F13B: variants seen among roughly 807,000 people sequenced by gnomAD.
The protein encoded by F13B is coagulation factor XIII B chain.
A neutral mutation model predicts 79.8 loss-of-function variants in F13B; 58 were observed. That is an observed-to-expected ratio of 0.73 (90% confidence interval 0.59 to 0.90). The LOEUF is 0.90. Among genes scored for constraint, F13B ranks in the 40% least tolerant of loss-of-function variants. The pLI is 0.00. For synonymous variants in F13B, 283 were observed against 260.3 expected, an observed-to-expected ratio of 1.09 and a Z score of -0.84; for missense variants, 773 against 777.0, an observed-to-expected ratio of 0.99 and a Z score of 0.06.
chr1:197,061,219 T>G (rs1366612065), intron 3 of F13B, 144 bp from the exon 4 acceptor site: 2 of 495,086 alleles, frequency 4.0e-6, no homozygotes, highest in African/African-American at 3.9e-5. Flanking sequence ...AATTTTTCTT[T>G]GCCTCTATTC....
At chr1:197,065,214 T>C (rs1209660295) in intron 1 of F13B, among the ~76,000 whole-genome samples, 1 of 152,182 alleles carries the variant, frequency 6.6e-6, no homozygotes, top group South Asian at 2.1e-4. Flanking sequence ...CAAAGTATTC[T>C]CTGCACAACA....
At chr1:197,056,918 AG>A in intron 7 of F13B, 94 bp downstream of exon 7, 3 of 1,313,628 alleles carry the variant, frequency 2.3e-6, no homozygotes, top group Non-Finnish European at 1.1e-6. Context: ...TTGCCTAAGC[AG>A]TGGTCTTTTC....
rs1306503655 is a variant in F13B at position 197,061,026 on chromosome 1, C to T, written c.501G>A (p.Gln167=). The T allele has an allele frequency of 1.9e-6, 3 of 1,603,284 alleles. No homozygotes were observed. The highest frequency in any genetic ancestry group is 2.6e-6 in the Non-Finnish European group (3 of 1,171,276). The change falls in exon 4 of 12, where the codon CAG becomes CAA. Residue 167 remains glutamine, a synonymous_variant. Coordinates refer to ENST00000367412, the MANE Select transcript of F13B (RefSeq NM_001994.3). ...CTTTGTCCTTCACTTTGAATGTTTT[C>T]TGTGTTGTGGAATAATTTCCATTAT... is the stretch of plus-strand genomic sequence containing the variant. The part of the protein sequence containing the change: ...ELYNGNYSTT[Q]KTFKVKDKVQ...
At chr1:197,047,385 G>T (rs1271489819) in intron 10 of F13B, among the ~76,000 whole-genome samples, 3 of 152,148 alleles carry the variant, frequency 2.0e-5, no homozygotes, top group Non-Finnish European at 4.4e-5. Flanking sequence ...CATTTATGCA[G>T]CCAACAGACA....
At chr1:197,053,381 TG>T (rs952856883) in intron 8 of F13B, among the ~76,000 whole-genome samples, 1 of 151,962 alleles carries the variant, frequency 6.6e-6, no homozygotes, top group Non-Finnish European at 1.5e-5. Flanking sequence ...AATCCTGGGG[TG>T]GGTCTTTCCC....
chr1:197,056,023 A>G (rs1655629139), intron 7 of F13B, 126 bp from the exon 8 acceptor site: 15 of 969,692 alleles, frequency 1.5e-5, no homozygotes, highest in South Asian at 8.9e-5. Context: ...TTCATTACAA[A>G]TATGAAAAAT....
intron 10 of F13B, among the ~76,000 whole-genome samples, chr1:197,049,155 T>A (rs1027786064): frequency 2.6e-5 from 4 of 151,850 alleles, no homozygotes; most frequent in Non-Finnish European, 4.4e-5. Context: ...ATTCATGTAT[T>A]AGAAAAAATA....
chr1:197,040,491 A>G (rs1247430553), intron 11 of F13B, 31 bp downstream of exon 11: 2 of 1,525,086 alleles, frequency 1.3e-6, no homozygotes, highest in African/African-American at 2.7e-5. Flanking sequence ...ACCAAAAAAA[A>G]TAATCTGACC....
intron 10 of F13B, among the ~76,000 whole-genome samples, chr1:197,046,656 A>G (rs1191433405): frequency 6.6e-6 from 1 of 152,190 alleles, no homozygotes; most frequent in Non-Finnish European, 1.5e-5. Context: ...AATTGGACAA[A>G]ACTACTTTAA....
rs1655810231 is a variant in F13B, at chr1:197,060,477, C to A, written c.694G>T (p.Glu232Ter). 6.2e-7 allele frequency: 1 copy of A among 1,608,272 alleles called. No individual in the cohort carries two copies. Among genetic ancestry groups the A allele is most frequent in the South Asian group, 1.1e-5 (1 of 90,300 alleles). ...AAAAACTGAACGACATCTCCTTCTT[C>A]ATAGGTTTGCTTTACAGGATGAAAA... ...GYFHPVKQTY[E>*]EGDVVQFFCH... Residue 232 changes from glutamate (E) to a stop codon, truncating the protein, a stop_gained, in exon 5 of 12, where the codon GAA becomes TAA. Transcript: ENST00000367412. LOFTEE classifies it high-confidence loss of function.
intron 4 of F13B, 32 bp from the exon 5 acceptor site, chr1:197,060,574 C>T (rs1388511267): frequency 2.8e-6 from 4 of 1,451,174 alleles, no homozygotes; most frequent in Non-Finnish European, 3.8e-6. Flanking sequence ...AAATTACAAA[C>T]AAATGTTTAT....
intron 10 of F13B, 115 bp from the exon 11 acceptor site, chr1:197,040,850 G>T: frequency 1.3e-6 from 1 of 747,742 alleles, no homozygotes; most frequent in Non-Finnish European, 2.2e-6. Flanking sequence ...AAATTCTCAG[G>T]CCTAAGAGCA....
intron 10 of F13B, among the ~76,000 whole-genome samples, chr1:197,042,485 G>A (rs1655070320): frequency 6.6e-6 from 1 of 151,820 alleles, no homozygotes; most frequent in Non-Finnish European, 1.5e-5. Context: ...ACTTAGTCAA[G>A]GAAGTAAGGT....
intron 10 of F13B, among the ~76,000 whole-genome samples, chr1:197,046,566 C>A (rs1485327488): frequency 6.6e-6 from 1 of 152,228 alleles, no homozygotes; most frequent in Middle Eastern, 3.4e-3. Context: ...GAATCAATAT[C>A]GTGAAAATGG....
At position 197,052,663 on chromosome 1, in the gene F13B, TCTC is replaced by T. The variant is rs1415831551; in HGVS notation, c.1523_1525del (p.Gly508del). 26 of 1,611,246 alleles carry T rather than the reference TCTC, an allele frequency of 1.6e-5. No individual in the cohort carries two copies. Among genetic ancestry groups the T allele is most frequent in the Non-Finnish European group, 2.0e-5 (24 of 1,178,446 alleles). ...TCTAGTACATAAAGGATATTTCACT[TCTC>T]CTCTGTTGCACTGCACAGATAATTC... On this transcript the variant is annotated inframe_deletion, in exon 9 of 12. Transcript: ENST00000367412.
chr1:197,060,529 A>C lies in F13B; in HGVS notation c.642T>G (p.Ser214=). The stretch of plus-strand genomic sequence containing the variant: ...AACCATTTTCAATTAATCTTAAAGA[A>C]GAGCACTTTAATTCTGCAAATAAAA... ...LTPKCTKLKC[S]SLRLIENGYF... is the part of the protein sequence containing the mutation. Residue 214 remains serine, a synonymous_variant, in exon 5 of 12, where the codon TCT becomes TCG. Coordinates refer to ENST00000367412, the MANE Select transcript of F13B (RefSeq NM_001994.3). The C allele has an allele frequency of 1.3e-6, 2 of 1,586,492 alleles. No homozygotes were observed. The highest frequency in any genetic ancestry group is 1.7e-6 in the Non-Finnish European group (2 of 1,161,398).
chr1:197,051,936 T>C (rs1655455003), intron 9 of F13B, among the ~76,000 whole-genome samples: 1 of 152,198 alleles, frequency 6.6e-6, no homozygotes, highest in Non-Finnish European at 1.5e-5. Flanking sequence ...CTTTGTCACA[T>C]GGGCAGATTG....
intron 9 of F13B, 89 bp downstream of exon 9, chr1:197,052,545 A>G: frequency 1.2e-6 from 1 of 841,962 alleles, no homozygotes; most frequent in African/African-American, 1.7e-5. Context: ...AATAATAAGA[A>G]AAATAGCAAC....
intron 8 of F13B, among the ~76,000 whole-genome samples, chr1:197,053,557 G>A (rs1032914126): frequency 6.6e-6 from 1 of 152,088 alleles, no homozygotes; most frequent in African/African-American, 2.4e-5. Context: ...GGAACTGTGA[G>A]TGCATTAAAT....
Sources: allele counts gnomAD v4.1 joint callset (sites outside exome capture counted in the v4.1 genomes callset), GRCh38; gene constraint gnomAD v4.1.1; transcripts MANE v1.5; gene names NCBI Gene and HGNC (gene_info 2026-07-23, HGNC 2026-07-21).